The following DCAF6 variants were observed in gnomAD, a reference collection of about 807,000 sequenced individuals.
DCAF6 encodes DDB1- and CUL4-associated factor 6.
In DCAF6, 54 loss-of-function variants were observed where a neutral mutation model predicts 125.1. That is an observed-to-expected ratio of 0.43 (90% CI 0.35 to 0.54). The LOEUF is 0.54. Ranked by LOEUF, DCAF6 falls within the 20% of genes least tolerant of loss-of-function variation. The probability of loss-of-function intolerance (pLI) is 0.01; values close to 1 mark genes in which losing one functional copy is unlikely to be tolerated. For synonymous variants in DCAF6, 371 were observed against 390.4 expected (o/e 0.95, Z 0.58); for missense variants, 934 against 1,161.7 (o/e 0.80, Z 2.85).
chr1:167,942,088 G>A (rs796897028), intron 1 of DCAF6, among the ~76,000 whole-genome samples: 14 of 152,132 alleles, frequency 9.2e-5, no homozygotes, highest in Admixed American at 4.6e-4. Context: ...TTTTTGAGAC[G>A]GAGTTTCGCT....
At chr1:168,017,525 G>A (rs1051221551) in intron 11 of DCAF6, among the ~76,000 whole-genome samples, 1 of 151,998 alleles carries the variant, frequency 6.6e-6, no homozygotes, top group Non-Finnish European at 1.5e-5. Flanking sequence ...GAATCAGAAA[G>A]CTTTAGAGTG....
intron 2 of DCAF6, among the ~76,000 whole-genome samples, chr1:167,965,655 T>C (rs973028103): frequency 1.3e-5 from 2 of 151,804 alleles, no homozygotes; most frequent in African/African-American, 4.8e-5. Context: ...TGAGACAGAG[T>C]CTTGCTCTGT....
chr1:168,044,569 T>A lies in DCAF6; in HGVS notation c.1844-16T>A, dbSNP rs1337808393. ...CATGGATACCAAGGGATGACTGTAA[T>A]TTGGTTTACTTACAGAAGCTCCTGA... On this transcript the variant is annotated splice_polypyrimidine_tract_variant and intron_variant, in intron 14 of 21. Transcript: ENST00000367840. 1 of 1,582,136 alleles carries A rather than the reference T, an allele frequency of 6.3e-7. No individual in the cohort carries two copies. Among genetic ancestry groups the A allele is most frequent in the South Asian group, 1.1e-5 (1 of 89,762 alleles).
At chr1:167,896,692 C>A in the DCAF6 span, 8 of 1,594,790 alleles carry the variant, frequency 5.0e-6, no homozygotes, top group South Asian at 1.1e-5. Context: ...AGAAGTTAAC[C>A]TAAATAAAAG....
chr1:167,991,124 A>G (rs1449890947), intron 5 of DCAF6, 80 bp from the exon 6 acceptor site: 11 of 1,221,238 alleles, frequency 9.0e-6, no homozygotes, highest in Non-Finnish European at 1.2e-5. Flanking sequence ...TATTCTAATT[A>G]CTAATGAGAA....
At chr1:168,027,647 G>A (rs1352849018) in intron 12 of DCAF6, among the ~76,000 whole-genome samples, 2 of 151,952 alleles carry the variant, frequency 1.3e-5, no homozygotes, top group South Asian at 2.1e-4. Flanking sequence ...ATTTTCCATA[G>A]CATTTTCATA....
At chr1:167,954,297 C>T (rs938054906) in intron 2 of DCAF6, among the ~76,000 whole-genome samples, 1 of 151,566 alleles carries the variant, frequency 6.6e-6, no homozygotes. Context: ...CCCACCCACT[C>T]TGTAGTTTTC....
At chr1:167,884,694 A>AT in the DCAF6 span, among the ~76,000 whole-genome samples, 1,653 of 108,616 alleles carry the variant, frequency 0.015, 42 homozygotes, top group African/African-American at 0.034. Context: ...AATCATTTTA[A>AT]TTTTTTTTTT....
At chr1:167,992,284 A>ACACACACAC (rs1557943229) in intron 6 of DCAF6, among the ~76,000 whole-genome samples, 2 of 82,122 alleles carry the variant, frequency 2.4e-5, no homozygotes, top group Non-Finnish European at 5.5e-5. Context: ...CACACACACA[A>ACACACACAC]ACACCGAATG....
chr1:167,914,118 A>T, the DCAF6 span: 1 of 152,214 alleles, frequency 6.6e-6, no homozygotes. Context: ...CTGACCCATA[A>T]AATGACAGTT....
At chr1:168,033,304 CTTTTTTTTTT>C (rs200401545) in intron 12 of DCAF6, among the ~76,000 whole-genome samples, 2 of 119,792 alleles carry the variant, frequency 1.7e-5, no homozygotes, top group African/African-American at 3.3e-5. Context: ...TGAAAAGGAT[CTTTTTTTTTT>C]TTTTTTTTTT....
At position 168,043,018 on chromosome 1, in the gene DCAF6, A is replaced by G; in HGVS notation, c.1728-7A>G. The stretch of plus-strand genomic sequence containing the variant: ...TGGTGGAATCACTTATCTTGTTTTG[A>G]TGATAGGAGCAGTATAGCATCAAGT... On this transcript the variant is annotated splice_polypyrimidine_tract_variant and splice_region_variant and intron_variant, in intron 13 of 21. Transcript: ENST00000367840. The G allele has an allele frequency of 6.3e-7, 1 of 1,583,430 alleles. No individual in the cohort carries two copies. The highest frequency in any genetic ancestry group is 8.7e-7 in the Non-Finnish European group (1 of 1,154,288).
the DCAF6 span, chr1:167,904,936 A>G: frequency 3.7e-6 from 6 of 1,613,428 alleles, no homozygotes; most frequent in Non-Finnish European, 5.1e-6. Flanking sequence ...CTGCATGTGA[A>G]TTCCCACGCG....
chr1:167,976,311 AT>A (rs1293501221), intron 4 of DCAF6, among the ~76,000 whole-genome samples: 1 of 152,038 alleles, frequency 6.6e-6, no homozygotes, highest in Non-Finnish European at 1.5e-5. Flanking sequence ...TCTACTAAAA[AT>A]ACAGGAATCA....
rs186136994 is a variant in DCAF6 at position 167,964,223 on chromosome 1, A to G, written c.160-2406A>G. On this transcript the variant is annotated intron_variant, in intron 2 of 21. Transcript: ENST00000367840. ...AAGAACTCCTTTTGTAATTTCTTGC[A>G]AAGTAGGTCTGCTGGCAACAAATTC... Among the ~76,000 whole-genome samples, 494 of 152,284 alleles carry G rather than the reference A, an allele frequency of 3.2e-3. 3 individuals carry two copies. Among genetic ancestry groups the G allele is most frequent in the African/African-American group, 0.011 (476 of 41,562 alleles).
At chr1:167,905,054 G>A in the DCAF6 span, 17 of 1,614,220 alleles carry the variant, frequency 1.1e-5, no homozygotes, top group South Asian at 1.9e-4. Context: ...GCTCTGGGGA[G>A]AAATGTCCAT....
chr1:167,865,178 C>G, the DCAF6 span, among the ~76,000 whole-genome samples: 1 of 152,066 alleles, frequency 6.6e-6, no homozygotes, highest in African/African-American at 2.4e-5. Context: ...GTAAAATATA[C>G]TTTTGGTAAA....
At chr1:168,030,405 A>G (rs1686921443) in intron 12 of DCAF6, among the ~76,000 whole-genome samples, 1 of 152,216 alleles carries the variant, frequency 6.6e-6, no homozygotes, top group Non-Finnish European at 1.5e-5. Context: ...GACTTTTTGG[A>G]CATTTTTAGG....
the DCAF6 span, among the ~76,000 whole-genome samples, chr1:167,929,833 G>C: frequency 6.6e-6 from 1 of 152,048 alleles, no homozygotes; most frequent in African/African-American, 2.4e-5. Flanking sequence ...GAAAAATAAA[G>C]TTTCTTACTG....
Sources: gnomAD v4.1 joint callset for allele counts (sites outside exome capture counted in the v4.1 genomes callset) on GRCh38, gnomAD v4.1.1 for gene constraint, MANE v1.5 for transcripts, NCBI Gene and HGNC (gene_info 2026-07-23, HGNC 2026-07-21) for gene names.